PTPRD: variants seen among roughly 807,000 people sequenced by gnomAD.
The protein encoded by PTPRD is receptor-type tyrosine-protein phosphatase delta.
A neutral mutation model predicts 214.5 loss-of-function variants in PTPRD; 34 were observed. The observed-to-expected ratio is 0.16, with a 90% confidence interval of 0.12 to 0.21. The LOEUF is 0.21. PTPRD is among the 10% of genes least tolerant of loss of function. The probability of loss-of-function intolerance (pLI) is 1.00; values close to 1 mark genes in which losing one functional copy is unlikely to be tolerated. For synonymous variants in PTPRD, 1,128 were observed against 845.7 expected, an observed-to-expected ratio of 1.33 and a Z score of -5.79; for missense variants, 2,545 against 2,398.7, an observed-to-expected ratio of 1.06 and a Z score of -1.27.
chr9:9,019,321 A>AAAGAAAGAAAGAAAGAAAGAAAGG (rs1569429306), intron 10 of PTPRD, among the ~76,000 whole-genome samples: 114 of 87,696 alleles, frequency 1.3e-3, no homozygotes, highest in Middle Eastern at 5.6e-3. Context: ...AGAAAGAAAG[A>AAAGAAAGAAAGAAAGAAAGAAAGG]AAGAAAGAAA....
intron 10 of PTPRD, among the ~76,000 whole-genome samples, chr9:9,125,655 G>T (rs982975006): frequency 3.9e-5 from 6 of 152,054 alleles, no homozygotes; most frequent in African/African-American, 1.2e-4. Flanking sequence ...AGCCTCCCAG[G>T]TGAGAATCAC....
intron 11 of PTPRD, among the ~76,000 whole-genome samples, chr9:8,828,751 G>GT (rs1404785878): frequency 2.6e-5 from 4 of 152,090 alleles, no homozygotes; most frequent in South Asian, 2.1e-4. Context: ...TTAAGTCCAT[G>GT]TTTTTTCTGG....
At chr9:9,019,348 G>GGAAGAAAGAAAGAAAGAAAGAAAGAA (rs2099553546) in intron 10 of PTPRD, among the ~76,000 whole-genome samples, 2 of 105,484 alleles carry the variant, frequency 1.9e-5, no homozygotes, top group Non-Finnish European at 4.0e-5. Context: ...ACGAAAGAAA[G>GGAAGAAAGAAAGAAAGAAAGAAAGAA]AAAGAAAGAA....
At chr9:8,384,191 G>A (rs1187999986) in intron 37 of PTPRD, among the ~76,000 whole-genome samples, 1 of 151,920 alleles carries the variant, frequency 6.6e-6, no homozygotes, top group Non-Finnish European at 1.5e-5. Context: ...GGAAATCCCA[G>A]CTGTATACAT....
At chr9:9,690,865 G>C (rs1435109094) in intron 7 of PTPRD, among the ~76,000 whole-genome samples, 1 of 128,112 alleles carries the variant, frequency 7.8e-6, no homozygotes, top group Non-Finnish European at 1.7e-5. Context: ...GGTTACTATG[G>C]CTTTGTAGTA....
chr9:10,162,338 T>C lies in PTPRD; in HGVS notation c.-544-128548A>G, dbSNP rs1195891663. Among the ~76,000 whole-genome samples, 3 of 151,572 alleles carry C rather than the reference T, an allele frequency of 2.0e-5. No homozygotes were observed. The East Asian group carries it at 5.8e-4, about 29-fold the overall frequency. On this transcript the variant is annotated intron_variant, in intron 3 of 45. Transcript: ENST00000381196. ...GAATGGATAAAGGAAATGTGATATATATACACAATGAAATAATATTCAGCC... is the reference window on the plus strand; with the variant it reads ...GAATGGATAAAGGAAATGTGATATACATACACAATGAAATAATATTCAGCC...
At chr9:10,452,668 G>C (rs1428640045) in intron 2 of PTPRD, among the ~76,000 whole-genome samples, 2 of 151,522 alleles carry the variant, frequency 1.3e-5, no homozygotes, top group Non-Finnish European at 3.0e-5. Flanking sequence ...TTATTCATTT[G>C]TTTCATTTCG....
At chr9:9,782,005 G>A (rs569590866) in intron 5 of PTPRD, among the ~76,000 whole-genome samples, 1 of 152,200 alleles carries the variant, frequency 6.6e-6, no homozygotes, top group African/African-American at 2.4e-5. Context: ...TGTTAACCAG[G>A]ATGGTCTCGA....
At chr9:8,870,736 T>A (rs1369727521) in intron 11 of PTPRD, among the ~76,000 whole-genome samples, 2 of 70,494 alleles carry the variant, frequency 2.8e-5, no homozygotes, top group African/African-American at 5.1e-5. Flanking sequence ...ACACGGGAGT[T>A]CAGCACACCA....
intron 9 of PTPRD, among the ~76,000 whole-genome samples, chr9:9,318,345 T>C (rs1474685927): frequency 6.6e-6 from 1 of 152,054 alleles, no homozygotes; most frequent in Non-Finnish European, 1.5e-5. Flanking sequence ...GTCAGGAAAG[T>C]AGTGAACTTC....
chr9:9,365,212 C>A (rs996911163), intron 9 of PTPRD, among the ~76,000 whole-genome samples: 88 of 151,464 alleles, frequency 5.8e-4, no homozygotes, highest in Non-Finnish European at 1.3e-4. Context: ...GGGAAGTTGC[C>A]ACTTAGCTTA....
At chr9:10,050,559 C>CA (rs1164243746) in intron 3 of PTPRD, among the ~76,000 whole-genome samples, 892 of 14,008 alleles carry the variant, frequency 0.064, 261 homozygotes, top group Non-Finnish European at 0.1. Context: ...GAGTCTGTCT[C>CA]AAAAAAAAAA....
chr9:10,159,854 A>G (rs1285408297), intron 3 of PTPRD, among the ~76,000 whole-genome samples: 1 of 152,082 alleles, frequency 6.6e-6, no homozygotes, highest in Non-Finnish European at 1.5e-5. Context: ...AAGCTACCAG[A>G]TATAGAAAAT....
intron 42 of PTPRD, 106 bp from the exon 43 acceptor site, chr9:8,339,153 A>C (rs1159687024): frequency 2.4e-6 from 3 of 1,228,036 alleles, no homozygotes; most frequent in Non-Finnish European, 3.2e-6. Context: ...CCCATTAATA[A>C]AATTTCAAAA....
intron 9 of PTPRD, among the ~76,000 whole-genome samples, chr9:9,239,851 G>C (rs145016386): frequency 1.3e-5 from 2 of 152,224 alleles, no homozygotes; most frequent in Non-Finnish European, 2.9e-5. Context: ...CCTGGTATGT[G>C]GGTCAAAGAT....
At chr9:10,160,536 T>C (rs1421517196) in intron 3 of PTPRD, among the ~76,000 whole-genome samples, 4 of 151,926 alleles carry the variant, frequency 2.6e-5, no homozygotes, top group East Asian at 1.9e-4. Flanking sequence ...TATTCCTTTA[T>C]GGTAAAAATC....
At chr9:8,339,223 A>G (rs993290319) in intron 42 of PTPRD, among the ~76,000 whole-genome samples, 176 bp from the exon 43 acceptor site, 59 of 152,112 alleles carry the variant, frequency 3.9e-4, no homozygotes, top group African/African-American at 1.4e-3. Flanking sequence ...AGCTCCCTTC[A>G]TAGGGAAACC....
chr9:9,587,094 G>A (rs1047445532), intron 7 of PTPRD, among the ~76,000 whole-genome samples: 4 of 151,848 alleles, frequency 2.6e-5, no homozygotes, highest in Non-Finnish European at 5.9e-5. Context: ...GAATATAATT[G>A]TTGTAAAGAG....
chr9:8,499,563 A>C, intron 25 of PTPRD, 84 bp downstream of exon 25: 3 of 1,449,710 alleles, frequency 2.1e-6, no homozygotes, highest in Non-Finnish European at 2.8e-6. Context: ...AAATGTCGAA[A>C]AACTAAAATA....
Sources: gnomAD v4.1 joint callset for allele counts (sites outside exome capture counted in the v4.1 genomes callset) on GRCh38, gnomAD v4.1.1 for gene constraint, MANE v1.5 for transcripts, NCBI Gene and HGNC (gene_info 2026-07-23, HGNC 2026-07-21) for gene names.